COL10A1: variants seen among roughly 807,000 people sequenced by gnomAD.
COL10A1 encodes collagen type X alpha 1 chain.
Under a neutral mutation model 18.2 loss-of-function variants are expected in COL10A1, and 10 were observed. The observed-to-expected ratio is 0.55, with a 90% CI of 0.34 to 0.93. The LOEUF (loss-of-function observed/expected upper bound fraction) is 0.93. COL10A1 is among the 40% of genes least tolerant of loss of function. The pLI is 0.02. For synonymous variants in COL10A1, 330 were observed against 316.6 expected (o/e 1.04, Z -0.45); for missense variants, 897 against 853.5 (o/e 1.05, Z -0.64).
Position 116,120,635 on chromosome 6 carries a change from G to A in COL10A1, c.1481C>T (p.Pro494Leu). Residue 494 changes from proline (P) to leucine (L), a missense_variant, in exon 3 of 3, where the codon CCT (proline) becomes CTT (leucine). Transcript: ENST00000651968. ...GLNGPTGPPG[P>L]PGPRGHSGEP... ...TCCAGAGTGGCCTCTTGGACCTGGA[G>A]GCCCTGGTGGCCCGGTGGGTCCATT... is the stretch of plus-strand genomic sequence containing the variant. 2 of 1,551,026 alleles carry A rather than the reference G, an allele frequency of 1.3e-6. No individual in the cohort carries two copies. Among genetic ancestry groups the A allele is most frequent in the South Asian group, 2.5e-5 (2 of 79,280 alleles).
At chr6:116,158,865 G>A (rs967334862), upstream of COL10A1, 5 of 152,134 alleles carry the variant, frequency 3.3e-5, no homozygotes, top group African/African-American at 9.7e-5. Flanking sequence ...TTCATTTCCA[G>A]GAGAGAATAT....
chr6:116,119,745 T>G lies in COL10A1; in HGVS notation c.*328A>C, dbSNP rs947034767. Reference sequence around the variant, plus strand: ...CACATAACTTAGAGCTCTATTTCTGTTTTTTTTTTTAATTTTTTTTTTGTT... The same window carrying G: ...CACATAACTTAGAGCTCTATTTCTGGTTTTTTTTTTAATTTTTTTTTTGTT... On this transcript the variant is annotated 3_prime_UTR_variant, in exon 3 of 3. Transcript: ENST00000651968. 2 of 208,060 alleles carry G rather than the reference T, an allele frequency of 9.6e-6. No homozygotes were observed. Among genetic ancestry groups the G allele is most frequent in the African/African-American group, 2.4e-5 (1 of 41,718 alleles). 12.9% of individuals were successfully genotyped at this position (208,060 alleles called of 1,614,324 possible).
chr6:116,205,141 C>G, the COL10A1 span, among the ~76,000 whole-genome samples: 1 of 151,904 alleles, frequency 6.6e-6, no homozygotes. Context: ...AAACCCCTTC[C>G]TCATCCCTCT....
At chr6:116,131,870 A>G (rs557651929) in intron 1 of COL10A1, among the ~76,000 whole-genome samples, 13 of 152,002 alleles carry the variant, frequency 8.6e-5, no homozygotes, top group African/African-American at 1.9e-4. Flanking sequence ...GTTCCTCTCT[A>G]TGTGTCCATG....
At chr6:116,179,750 T>G in the COL10A1 span, among the ~76,000 whole-genome samples, 2 of 152,124 alleles carry the variant, frequency 1.3e-5, no homozygotes, top group East Asian at 3.8e-4. Flanking sequence ...GATTGAGACA[T>G]ACACCTATCT....
intron 2 of COL10A1, among the ~76,000 whole-genome samples, chr6:116,125,057 T>C (rs1463373731): frequency 2.6e-5 from 4 of 152,234 alleles, no homozygotes; most frequent in African/African-American, 9.6e-5. Flanking sequence ...CATGCAGTTA[T>C]TTGTGCAAAA....
chr6:116,165,782 G>C, the COL10A1 span, among the ~76,000 whole-genome samples: 1 of 152,224 alleles, frequency 6.6e-6, no homozygotes, highest in Non-Finnish European at 1.5e-5. Context: ...AAATCCCACA[G>C]CTCCCCAGGG....
intron 1 of COL10A1, among the ~76,000 whole-genome samples, chr6:116,143,372 A>T (rs1043968043): frequency 6.6e-6 from 1 of 152,022 alleles, no homozygotes; most frequent in African/African-American, 2.4e-5. Context: ...CACCATACCC[A>T]GCTAATTTTT....
intron 1 of COL10A1, among the ~76,000 whole-genome samples, chr6:116,148,540 T>C (rs78109486): frequency 0.039 from 5,880 of 152,296 alleles, 154 homozygotes; most frequent in South Asian, 0.072. Flanking sequence ...TTGATTTTCA[T>C]TGTACTCAGA....
In COL10A1 at chr6:116,120,950, C is replaced by A; in HGVS notation, c.1166G>T (p.Gly389Val). ...ATCGAGACCTGGTTTTCCTGGGTAC[C>A]CTGGTTTTCCATCTGACCCAGGGGA... is the stretch of plus-strand genomic sequence containing the variant. ...RGSPGSDGKP[G>V]YPGKPGLDGP... is the part of the protein sequence containing the mutation. The change falls in exon 3 of 3, where the codon GGG becomes GTG. Residue 389 changes from glycine to valine, a missense_variant. By Grantham distance (109) the Gly-to-Val change is moderately radical. Coordinates refer to ENST00000651968, the MANE Select transcript of COL10A1 (RefSeq NM_000493.4). The A allele has an allele frequency of 1.2e-6, 2 of 1,613,924 alleles. No homozygotes were observed. The highest frequency in any genetic ancestry group is 4.5e-5 in the East Asian group (2 of 44,852).
chr6:116,186,230 A>T, the COL10A1 span, among the ~76,000 whole-genome samples: 1 of 152,080 alleles, frequency 6.6e-6, no homozygotes, highest in African/African-American at 2.4e-5. Context: ...GTTTCTGCTG[A>T]GAAATCTGCT....
the COL10A1 span, among the ~76,000 whole-genome samples, chr6:116,187,726 A>G: frequency 6.6e-6 from 1 of 152,084 alleles, no homozygotes; most frequent in African/African-American, 2.4e-5. Context: ...GGATTATAGA[A>G]ACAAATATGA....
At chr6:116,177,249 C>T in the COL10A1 span, among the ~76,000 whole-genome samples, 229 of 152,200 alleles carry the variant, frequency 1.5e-3, 1 homozygote, top group Middle Eastern at 0.014. Context: ...TGCTATTTCC[C>T]TTGACTGTTT....
At chr6:116,161,203 A>C (rs1186252372), upstream of COL10A1, among the ~76,000 whole-genome samples, 2 of 66,026 alleles carry the variant, frequency 3.0e-5, no homozygotes, top group South Asian at 6.5e-4. Context: ...GGGTGGGGGG[A>C]GGGGGGAGGG....
chr6:116,201,926 A>T, the COL10A1 span, among the ~76,000 whole-genome samples: 10 of 151,994 alleles, frequency 6.6e-5, no homozygotes, highest in African/African-American at 2.4e-4. Flanking sequence ...TTATGCACCT[A>T]CAGCTGATAA....
chr6:116,141,885 A>AACACACACACACAC lies in COL10A1; in HGVS notation c.-15-16392_-15-16379dup, dbSNP rs3051942. On this transcript the variant is annotated intron_variant, in intron 1 of 1. Coordinates refer to the COL10A1 transcript ENST00000418500. The stretch of plus-strand genomic sequence containing the variant: ...GTAAAAGATTTTCTGCCAAAAAGAA[A>AACACACACACACAC]ACACACACACACACACACACACACA... Among the ~76,000 whole-genome samples, 516 of 140,394 alleles carry AACACACACACACAC rather than the reference A, an allele frequency of 3.7e-3. 6 individuals are homozygous for AACACACACACACAC. The highest frequency in any genetic ancestry group is 0.013 in the African/African-American group (499 of 37,462). 92.1% of individuals were successfully genotyped at this position (140,394 alleles called of 152,430 possible).
chr6:116,181,910 G>T, the COL10A1 span, among the ~76,000 whole-genome samples: 1 of 152,094 alleles, frequency 6.6e-6, no homozygotes, highest in Non-Finnish European at 1.5e-5. Context: ...GGAAACAGTT[G>T]ATGGTGGTTA....
chr6:116,203,824 G>C, the COL10A1 span, among the ~76,000 whole-genome samples: 1 of 151,926 alleles, frequency 6.6e-6, no homozygotes, highest in East Asian at 1.9e-4. Context: ...CTTGCACAGT[G>C]TGAGTTCCAG....
At chr6:116,197,156 A>G in the COL10A1 span, among the ~76,000 whole-genome samples, 2 of 151,700 alleles carry the variant, frequency 1.3e-5, no homozygotes, top group African/African-American at 2.4e-5. Flanking sequence ...CACCTCTACT[A>G]TCTTCTGCTC....
Sources: allele counts gnomAD v4.1 joint callset (sites outside exome capture counted in the v4.1 genomes callset), GRCh38; gene constraint gnomAD v4.1.1; transcripts MANE v1.5; gene names NCBI Gene and HGNC (gene_info 2026-07-23, HGNC 2026-07-21).